The following SGCD variants were observed in gnomAD, a reference collection of about 807,000 sequenced individuals.
The protein encoded by SGCD is delta-sarcoglycan.
Under a neutral mutation model 36.6 loss-of-function variants are expected in SGCD, and 18 were observed. The ratio of observed to expected loss-of-function variants is 0.49; its 90% CI spans 0.34 to 0.73. The LOEUF (loss-of-function observed/expected upper bound fraction) is 0.73. Among genes scored for constraint, SGCD ranks in the 30% least tolerant of loss-of-function variants. The pLI, the probability that SGCD is intolerant of heterozygous loss-of-function variation, is 0.01. For synonymous variants in SGCD, 133 were observed against 130.6 expected (o/e 1.02, Z -0.12); for missense variants, 387 against 346.7 (o/e 1.12, Z -0.92).
chr5:156,636,331 G>GT (rs372859600), intron 6 of SGCD, among the ~76,000 whole-genome samples: 6 of 152,256 alleles, frequency 3.9e-5, no homozygotes, highest in African/African-American at 1.4e-4. Flanking sequence ...TCATTCTTCA[G>GT]TTTTTCTGGC....
At chr5:156,573,281 G>A (rs1048022609) in intron 4 of SGCD, among the ~76,000 whole-genome samples, 2 of 152,158 alleles carry the variant, frequency 1.3e-5, no homozygotes, top group Non-Finnish European at 2.9e-5. Flanking sequence ...TGCATGACCT[G>A]AAGATTACTG....
intron 7 of SGCD, among the ~76,000 whole-genome samples, chr5:156,750,411 C>T (rs1023865865): frequency 2.0e-5 from 3 of 152,076 alleles, no homozygotes; most frequent in South Asian, 2.1e-4. Flanking sequence ...GACAGTCGCG[C>T]GCAGTGGCTC....
intron 7 of SGCD, among the ~76,000 whole-genome samples, chr5:156,715,603 G>T (rs1394714042): frequency 6.6e-6 from 1 of 152,158 alleles, no homozygotes; most frequent in Non-Finnish European, 1.5e-5. Context: ...ATGCTATATT[G>T]TGTAAAGTTT....
rs1026304032 is a variant in SGCD at position 156,071,584 on chromosome 5, T to G, written c.-281-46294T>G. 1.4e-3 allele frequency among the ~76,000 whole-genome samples: 213 copies of G among 152,258 alleles called. 1 individual carries two copies. The highest frequency in any genetic ancestry group is 4.8e-3 in the African/African-American group (200 of 41,558). ...TCAGTTTTGGAATAGGTGTGGTGTG[T>G]TGCTGAAAAAAATGTATATTCTGTT... On this transcript the variant is annotated intron_variant, in intron 1 of 9. Coordinates refer to the SGCD transcript ENST00000517913.
intron 1 of SGCD, among the ~76,000 whole-genome samples, chr5:155,886,401 T>C (rs1755999712): frequency 6.6e-6 from 1 of 152,158 alleles, no homozygotes; most frequent in African/African-American, 2.4e-5. Flanking sequence ...ATCTGATTGA[T>C]GGATCTTGGG....
intron 3 of SGCD, among the ~76,000 whole-genome samples, chr5:156,399,849 G>C (rs1022196665): frequency 7.2e-5 from 11 of 151,978 alleles, no homozygotes; most frequent in Non-Finnish European, 1.5e-4. Context: ...GTATTTCTGG[G>C]GCCTGGAACA....
chr5:156,071,237 G>A (rs201885749), intron 1 of SGCD, among the ~76,000 whole-genome samples: 19 of 152,142 alleles, frequency 1.2e-4, no homozygotes, highest in African/African-American at 4.3e-4. Context: ...TGTCAATTTT[G>A]GATCTTTCCT....
At chr5:155,782,802 T>C in the SGCD span, among the ~76,000 whole-genome samples, 2 of 152,158 alleles carry the variant, frequency 1.3e-5, no homozygotes, top group Non-Finnish European at 2.9e-5. Context: ...GTGTGCTCCT[T>C]ATGAGAATCT....
At chr5:156,520,472 A>G (rs1393597421) in intron 4 of SGCD, among the ~76,000 whole-genome samples, 1 of 152,044 alleles carries the variant, frequency 6.6e-6, no homozygotes, top group Non-Finnish European at 1.5e-5. Context: ...TGCTATTCCC[A>G]TTAAACTACC....
intron 3 of SGCD, among the ~76,000 whole-genome samples, chr5:156,189,816 A>AT (rs999218123): frequency 1.3e-5 from 2 of 152,076 alleles, no homozygotes; most frequent in Admixed American, 1.3e-4. Flanking sequence ...TGTGACAGGA[A>AT]TTTTTTTTGA....
the SGCD span, among the ~76,000 whole-genome samples, chr5:155,830,429 G>T: frequency 6.6e-6 from 1 of 152,170 alleles, no homozygotes; most frequent in African/African-American, 2.4e-5. Context: ...CCTCCCTAAA[G>T]CCTCTATCTC....
chr5:156,588,316 A>G (rs1419421619), intron 4 of SGCD, among the ~76,000 whole-genome samples: 1 of 152,140 alleles, frequency 6.6e-6, no homozygotes, highest in African/African-American at 2.4e-5. Flanking sequence ...TATTCAGATT[A>G]TATTAAATTT....
intron 3 of SGCD, among the ~76,000 whole-genome samples, chr5:156,152,319 C>T (rs962962327): frequency 7.3e-5 from 11 of 151,446 alleles, no homozygotes; most frequent in African/African-American, 2.4e-4. Context: ...CTGAAGACAT[C>T]GTGGGTCAGA....
intron 1 of SGCD, among the ~76,000 whole-genome samples, chr5:155,983,336 A>G (rs1362922898): frequency 1.3e-5 from 2 of 152,084 alleles, no homozygotes; most frequent in African/African-American, 2.4e-5. Flanking sequence ...CTCTCACTCT[A>G]TCACCCAGGC....
chr5:156,304,125 A>G (rs1446387081), intron 3 of SGCD, among the ~76,000 whole-genome samples: 3 of 152,180 alleles, frequency 2.0e-5, no homozygotes, highest in Non-Finnish European at 4.4e-5. Context: ...TGGGCTAGCC[A>G]GAATTCAGGT....
At chr5:156,006,997 T>G (rs1476681069) in intron 1 of SGCD, among the ~76,000 whole-genome samples, 1 of 152,222 alleles carries the variant, frequency 6.6e-6, no homozygotes, top group Non-Finnish European at 1.5e-5. Flanking sequence ...GACGAATACT[T>G]AGCAGATATA....
At position 156,699,239 on chromosome 5, in the gene SGCD, G is replaced by C. The variant is rs114081937; in HGVS notation, c.575+51703G>C. On this transcript the variant is annotated intron_variant, in intron 7 of 8. Coordinates refer to ENST00000337851, the MANE Select transcript of SGCD (RefSeq NM_000337.6). Reference sequence around the variant, plus strand: ...TCTTTTTTAATGGGAATCAGGTATAGAGTGGGGTATCTATTTTTTTAAGGG... The same window carrying C: ...TCTTTTTTAATGGGAATCAGGTATACAGTGGGGTATCTATTTTTTTAAGGG... Among the ~76,000 whole-genome samples, 303 of 152,190 alleles carry C rather than the reference G, an allele frequency of 2.0e-3. 2 individuals carry two copies. Among genetic ancestry groups the C allele is most frequent in the Middle Eastern group, 0.014 (4 of 294 alleles).
chr5:156,701,325 T>G (rs745704495), intron 7 of SGCD, among the ~76,000 whole-genome samples: 1 of 152,180 alleles, frequency 6.6e-6, no homozygotes, highest in Non-Finnish European at 1.5e-5. Flanking sequence ...ATGCTTTACA[T>G]TTTTTTGGTC....
chr5:156,320,668 A>C (rs1488111312), intron 3 of SGCD, among the ~76,000 whole-genome samples: 1 of 152,260 alleles, frequency 6.6e-6, no homozygotes, highest in East Asian at 1.9e-4. Flanking sequence ...GTAATGACTT[A>C]GTTTGAGAAT....
Sources: gnomAD v4.1 joint callset for allele counts (sites outside exome capture counted in the v4.1 genomes callset) on GRCh38, gnomAD v4.1.1 for gene constraint, MANE v1.5 for transcripts, NCBI Gene and HGNC (gene_info 2026-07-23, HGNC 2026-07-21) for gene names.